FAM227B: variants seen among roughly 807,000 people sequenced by gnomAD.
FAM227B encodes the protein protein FAM227B.
A neutral mutation model predicts 73.8 loss-of-function variants in FAM227B; 88 were observed. That is an observed-to-expected ratio of 1.19 (90% CI 1.00 to 1.42). The LOEUF (loss-of-function observed/expected upper bound fraction) is 1.42, where lower values mean the gene tolerates loss of function less well. Ranked by LOEUF, FAM227B falls within the 40% of genes most tolerant of loss-of-function variation. The probability of loss-of-function intolerance (pLI) is 0.00; values close to 1 mark genes in which losing one functional copy is unlikely to be tolerated. For missense variants in FAM227B, 632 were observed against 590.9 expected (o/e 1.07, Z -0.72); for synonymous variants, 210 against 190.5 (o/e 1.10, Z -0.84).
chr15:49,504,129 A>G (rs2058381863), intron 11 of FAM227B, among the ~76,000 whole-genome samples: 1 of 152,080 alleles, frequency 6.6e-6, no homozygotes, highest in Non-Finnish European at 1.5e-5. Flanking sequence ...CTTTGTAGGG[A>G]CATGGATGAA....
intron 11 of FAM227B, among the ~76,000 whole-genome samples, chr15:49,395,520 G>A (rs1215386209): frequency 6.6e-6 from 1 of 152,108 alleles, no homozygotes; most frequent in African/African-American, 2.4e-5. Flanking sequence ...TGAGAATCAG[G>A]GTTAGCATAG....
In FAM227B at chr15:49,327,260, T is replaced by TA. The variant is rs1167536907; in HGVS notation, c.*1307dup. On this transcript the variant is annotated 3_prime_UTR_variant, in exon 16 of 16. Coordinates refer to ENST00000299338, the MANE Select transcript of FAM227B (RefSeq NM_152647.3). ...CAACTTCTGAGTCCAATAATCAGAC[T>TA]AGCTCCAGAAGGCACAGGGAAGGTG... 7.9e-5 allele frequency: 12 copies of TA among 152,242 alleles called. No individual in the cohort carries two copies. The highest frequency in any genetic ancestry group is 2.0e-4 in the Admixed American group (3 of 15,288). The allele number at this position is 152,242 out of a possible 1,614,324, so 9.4% of individuals were successfully genotyped here.
chr15:49,362,906 C>G (rs1003743718), intron 13 of FAM227B, among the ~76,000 whole-genome samples: 6 of 152,010 alleles, frequency 3.9e-5, no homozygotes, highest in African/African-American at 1.5e-4. Context: ...CTTGTTTTGT[C>G]AACTTTGTCA....
chr15:49,619,468 G>C (rs1401983620), intron 1 of FAM227B, among the ~76,000 whole-genome samples: 2 of 152,154 alleles, frequency 1.3e-5, no homozygotes, highest in African/African-American at 2.4e-5. Context: ...TGACTACCTT[G>C]CTGCCATACT....
chr15:49,465,881 A>G (rs551426933), intron 11 of FAM227B, among the ~76,000 whole-genome samples: 1 of 152,312 alleles, frequency 6.6e-6, no homozygotes, highest in South Asian at 2.1e-4. Flanking sequence ...ATAATTTGAC[A>G]CACTACTTAA....
intron 11 of FAM227B, among the ~76,000 whole-genome samples, chr15:49,430,423 T>C (rs2050501664): frequency 6.6e-6 from 1 of 151,758 alleles, no homozygotes; most frequent in Non-Finnish European, 1.5e-5. Flanking sequence ...ACAACCAAGT[T>C]CAAAGGCAGA....
intron 13 of FAM227B, chr15:49,353,562 A>G (rs953659491): frequency 1.1e-4 from 17 of 152,048 alleles, no homozygotes; most frequent in African/African-American, 4.1e-4. Context: ...TCTCATTAAC[A>G]GATAATTTTA....
chr15:49,533,506 T>A (rs747133123), intron 10 of FAM227B, among the ~76,000 whole-genome samples: 1 of 151,938 alleles, frequency 6.6e-6, no homozygotes, highest in Non-Finnish European at 1.5e-5. Context: ...GTAGTCTACT[T>A]CTTCCCTCAG....
At chr15:49,426,428 TG>T (rs1201930455) in intron 11 of FAM227B, among the ~76,000 whole-genome samples, 1 of 151,974 alleles carries the variant, frequency 6.6e-6, no homozygotes, top group African/African-American at 2.4e-5. Flanking sequence ...CTACTCCTTT[TG>T]AATCCTTTTA....
At chr15:49,576,621 T>G (rs62021589) in intron 7 of FAM227B, 120 bp downstream of exon 7, 193,153 of 635,756 alleles carry the variant, frequency 0.3, 31,967 homozygotes, top group Non-Finnish European at 0.36. Flanking sequence ...CTGCCAAATT[T>G]AATGCCCAAA....
intron 8 of FAM227B, among the ~76,000 whole-genome samples, chr15:49,570,263 C>T (rs1393057538): frequency 6.6e-6 from 1 of 151,848 alleles, no homozygotes; most frequent in African/African-American, 2.4e-5. Flanking sequence ...CAAGCATTTC[C>T]TTTTCTCCAT....
intron 11 of FAM227B, among the ~76,000 whole-genome samples, chr15:49,436,474 T>G (rs929407752): frequency 6.6e-6 from 1 of 151,506 alleles, no homozygotes; most frequent in Admixed American, 6.6e-5. Flanking sequence ...CTTAAGTAAA[T>G]TTTTTCCCTC....
chr15:49,597,694 G>C (rs549943605), intron 3 of FAM227B, among the ~76,000 whole-genome samples: 2 of 152,026 alleles, frequency 1.3e-5, no homozygotes, highest in East Asian at 3.9e-4. Context: ...TAAATTATTT[G>C]AAAAGATTAA....
chr15:49,570,662 G>A (rs558776922), intron 8 of FAM227B, among the ~76,000 whole-genome samples: 1 of 151,088 alleles, frequency 6.6e-6, no homozygotes, highest in African/African-American at 2.4e-5. Context: ...CTACCTTTCT[G>A]CTGTTTCTAT....
At chr15:49,559,805 C>A (rs533528005) in intron 9 of FAM227B, among the ~76,000 whole-genome samples, 2 of 151,938 alleles carry the variant, frequency 1.3e-5, no homozygotes, top group African/African-American at 4.8e-5. Context: ...CGTGGTGGCA[C>A]GTGCCTGTAA....
chr15:49,505,276 A>C (rs74012392), intron 11 of FAM227B, among the ~76,000 whole-genome samples: 2,247 of 152,268 alleles, frequency 0.015, 73 homozygotes, highest in African/African-American at 0.052. Flanking sequence ...TTACAAAAAA[A>C]GCATAAGGAA....
chr15:49,504,140 G>A (rs1343691072), intron 11 of FAM227B, among the ~76,000 whole-genome samples: 2 of 152,082 alleles, frequency 1.3e-5, no homozygotes, highest in Non-Finnish European at 2.9e-5. Context: ...CATGGATGAA[G>A]ACGGAAACCA....
Position 49,499,694 on chromosome 15 carries a change from G to A in FAM227B, c.1012+8517C>T, listed in dbSNP as rs572890786. Among the ~76,000 whole-genome samples, 7 of 152,228 alleles carry A rather than the reference G, an allele frequency of 4.6e-5. No individual in the cohort carries two copies. The South Asian group carries it at 1.2e-3, about 27-fold the overall frequency. On this transcript the variant is annotated intron_variant, in intron 11 of 15. Coordinates refer to ENST00000299338, the MANE Select transcript of FAM227B (RefSeq NM_152647.3). ...AAGGTAGCTGGTTATTGGCATCAGT[G>A]GAACAGAATACAGAGAACAGACATA...
chr15:49,337,441 A>C (rs2039916522), intron 13 of FAM227B, among the ~76,000 whole-genome samples: 1 of 124,008 alleles, frequency 8.1e-6, no homozygotes, highest in African/African-American at 3.0e-5. Flanking sequence ...TCTGCTGACG[A>C]GTGATGCTAA....
Sources: allele counts gnomAD v4.1 joint callset (sites outside exome capture counted in the v4.1 genomes callset), GRCh38; gene constraint gnomAD v4.1.1; transcripts MANE v1.5; gene names NCBI Gene and HGNC (gene_info 2026-07-23, HGNC 2026-07-21).